The following MAX variants were observed in gnomAD, a reference collection of about 807,000 sequenced individuals.
MAX encodes MYC associated transcriptional regulator X.
In MAX, 3 loss-of-function variants were observed where a neutral mutation model predicts 22.3. The observed-to-expected ratio is 0.13, with a 90% CI of 0.06 to 0.35. The LOEUF is 0.35. MAX is among the 10% of genes least tolerant of loss of function. MAX has a pLI of 1.00. For synonymous variants in MAX, 72 were observed against 77.7 expected (o/e 0.93, Z 0.39); for missense variants, 119 against 209.4 (o/e 0.57, Z 2.66).
chr14:65,076,277 A>T lies in MAX; in HGVS notation c.*199T>A, dbSNP rs1456242869. 55 of 1,446,520 alleles carry T rather than the reference A, an allele frequency of 3.8e-5. No individual in the cohort carries two copies. The highest frequency in any genetic ancestry group is 5.0e-5 in the Non-Finnish European group (55 of 1,106,540). 89.6% of individuals were successfully genotyped at this position (1,446,520 alleles called of 1,614,324 possible). A position where few individuals can be genotyped will look rare whatever the true frequency, so the allele number is the denominator to read the frequency against. Reference sequence around the variant, plus strand: ...AATCCCTGAAGGGAATACATTAAAAAATATACAGTGGAAATGGGGAAGGAG... The same window carrying T: ...AATCCCTGAAGGGAATACATTAAAATATATACAGTGGAAATGGGGAAGGAG... On this transcript the variant is annotated 3_prime_UTR_variant, in exon 5 of 5. Coordinates refer to ENST00000358664, the MANE Select transcript of MAX (RefSeq NM_002382.5). The surrounding 1 kb of genome is among the most constrained non-coding windows in gnomAD (Gnocchi z 6.6).
At position 65,032,369 on chromosome 14, in the gene MAX, G is replaced by A; in HGVS notation, c.172-26085C>T. ...TTTCCTCTGATGTAGATTGGACCAT[G>A]TGGAGGTAGGGAGAATAGAATGTCA... On this transcript the variant is annotated intron_variant, in intron 3 of 3. Coordinates refer to the MAX transcript ENST00000341653. This position sits in a 1 kb window ranked among gnomAD's most constrained non-coding sequence, Gnocchi z 5.0. The A allele has an allele frequency of 2.4e-6, 1 of 409,550 alleles. No homozygotes were observed. The allele number at this position is 409,550 out of a possible 1,614,324, so 25.4% of individuals were successfully genotyped here.
intron 2 of MAX, among the ~76,000 whole-genome samples, chr14:65,097,297 GT>G (rs2063700453): frequency 6.6e-6 from 1 of 152,246 alleles, no homozygotes; most frequent in African/African-American, 2.4e-5. Flanking sequence ...AAGGAGGTCT[GT>G]TCAAAATTGA....
At chr14:65,094,854 T>G (rs538035450) in intron 2 of MAX, among the ~76,000 whole-genome samples, 2 of 152,314 alleles carry the variant, frequency 1.3e-5, no homozygotes, top group South Asian at 4.1e-4. Context: ...ATTACGGAAA[T>G]TATGCTCTGA....
At chr14:65,037,741 ATTATTTATTTAT>A (rs201126999) in intron 3 of MAX, among the ~76,000 whole-genome samples, 8,096 of 131,540 alleles carry the variant, frequency 0.062, 358 homozygotes, top group East Asian at 0.14. Flanking sequence ...TTATTTATTT[ATTATTTATTTAT>A]TTATTTATTT....
intron 3 of MAX, among the ~76,000 whole-genome samples, chr14:65,016,774 G>A (rs535844191): frequency 5.9e-5 from 9 of 152,308 alleles, no homozygotes; most frequent in South Asian, 2.1e-4. Context: ...CTTGTGGTAC[G>A]TAGGATGCTT....
chr14:65,025,040 T>G (rs1353154670), intron 3 of MAX, among the ~76,000 whole-genome samples: 1 of 152,238 alleles, frequency 6.6e-6, no homozygotes, highest in African/African-American at 2.4e-5. Context: ...TGCCAATTCC[T>G]TAAGGTGCAA....
At position 65,012,446 on chromosome 14, in the gene MAX, T is replaced by C; in HGVS notation, c.172-6162A>G. The C allele has an allele frequency of 6.2e-7, 1 of 1,607,750 alleles. No individual in the cohort carries two copies. The highest frequency in any genetic ancestry group is 8.5e-7 in the Non-Finnish European group (1 of 1,175,206). On this transcript the variant is annotated intron_variant, in intron 3 of 3. Coordinates refer to the MAX transcript ENST00000341653. The surrounding 1 kb of genome is among the most constrained non-coding windows in gnomAD (Gnocchi z 5.0). ...AAATTATCCACCAAATCCTCCTCCTTTTTCTATTTAAACGTAAAAGACTGT... is the reference window on the plus strand; with the variant it reads ...AAATTATCCACCAAATCCTCCTCCTCTTTCTATTTAAACGTAAAAGACTGT...
chr14:65,027,413 GCT>G lies in MAX; in HGVS notation c.172-21131_172-21130del, dbSNP rs751996562. 1 of 1,609,198 alleles carries G rather than the reference GCT, an allele frequency of 6.2e-7. No homozygotes were observed. Among genetic ancestry groups the G allele is most frequent in the Admixed American group, 1.7e-5 (1 of 59,512 alleles). On this transcript the variant is annotated intron_variant, in intron 3 of 3. Transcript: ENST00000341653. This position sits in a 1 kb window ranked among gnomAD's most constrained non-coding sequence, Gnocchi z 5.7. ...GGGAATTTGGTGTTTTGACATGAAT[GCT>G]CTCTGACTTTGTTTTTGCCCTTTGG...
At chr14:65,050,820 T>C (rs1337483740) in intron 3 of MAX, among the ~76,000 whole-genome samples, 1 of 152,236 alleles carries the variant, frequency 6.6e-6, no homozygotes, top group Non-Finnish European at 1.5e-5. Context: ...TTATTCCCTT[T>C]AACCGAATAA....
At position 65,064,157 on chromosome 14, in the gene MAX, TTG is replaced by T. The variant is rs375956688; in HGVS notation, c.171+29549_171+29550del. On this transcript the variant is annotated intron_variant, in intron 3 of 3. Transcript: ENST00000341653. ...ACACTGCTCTCCCTTCTTGGTATTA[TTG>T]AGCATTCTTCCATACCTTTCATGAC... 5.7e-3 allele frequency among the ~76,000 whole-genome samples: 871 copies of T among 152,332 alleles called. 2 individuals carry two copies. The highest frequency in any genetic ancestry group is 9.5e-3 in the Non-Finnish European group (643 of 68,028).
intron 3 of MAX, chr14:65,061,349 T>C (rs1379054755): frequency 1.7e-5 from 28 of 1,612,066 alleles, no homozygotes; most frequent in Non-Finnish European, 2.3e-5. Context: ...CTCACCCATC[T>C]CCCCAGTCAG....
Position 65,102,421 on chromosome 14 carries a change from A to G in MAX, c.-82T>C. ...GGGGAGGGGGAAGTCACCGACAACAACAAGCCGAGTCCCCCCCACACACAC... is the reference window on the plus strand; with the variant it reads ...GGGGAGGGGGAAGTCACCGACAACAGCAAGCCGAGTCCCCCCCACACACAC... On this transcript the variant is annotated 5_prime_UTR_variant, in exon 1 of 5. Coordinates refer to ENST00000358664, the MANE Select transcript of MAX (RefSeq NM_002382.5). 1 of 1,564,510 alleles carries G rather than the reference A, an allele frequency of 6.4e-7. No homozygotes were observed. The highest frequency in any genetic ancestry group is 8.6e-7 in the Non-Finnish European group (1 of 1,157,246).
At position 65,044,711 on chromosome 14, in the gene MAX, G is replaced by A. The variant is rs2296319; in HGVS notation, c.172-38427C>T. ...TTGCTACGGGGAGCGGGGAGGAAGT[G>A]GGCGCTGCTTCTGCGTTATCTGGAA... On this transcript the variant is annotated intron_variant, in intron 3 of 3. Transcript: ENST00000341653. The surrounding 1 kb of genome is among the most constrained non-coding windows in gnomAD (Gnocchi z 5.5). The A allele has an allele frequency of 8.9e-3, 4,323 of 483,126 alleles. 127 individuals carry two copies. The East Asian group carries it at 0.11, about 12-fold the overall frequency. 29.9% of individuals were successfully genotyped at this position (483,126 alleles called of 1,614,324 possible). A position where few individuals can be genotyped will look rare whatever the true frequency, so the allele number is the denominator to read the frequency against.
chr14:65,043,374 T>G (rs2062395194), intron 3 of MAX, among the ~76,000 whole-genome samples: 1 of 152,214 alleles, frequency 6.6e-6, no homozygotes, highest in African/African-American at 2.4e-5. Context: ...GTAAAAGATT[T>G]TCTTATATCA....
intron 3 of MAX, among the ~76,000 whole-genome samples, chr14:65,085,726 G>C (rs922308320): frequency 2.6e-5 from 4 of 152,186 alleles, no homozygotes; most frequent in African/African-American, 9.7e-5. Context: ...CTGAGGGAAG[G>C]GGGGAACTCA....
intron 3 of MAX, among the ~76,000 whole-genome samples, chr14:65,019,126 TTG>T (rs2061838303): frequency 5.3e-5 from 8 of 151,914 alleles, no homozygotes; most frequent in Admixed American, 4.6e-4. Flanking sequence ...TGAGCCAAGA[TTG>T]CACCACTGCA....
At chr14:65,043,905 C>T (rs987861039) in intron 3 of MAX, among the ~76,000 whole-genome samples, 1 of 150,822 alleles carries the variant, frequency 6.6e-6, no homozygotes, top group Non-Finnish European at 1.5e-5. Context: ...AATAAACTCC[C>T]CGGAGCAGGG....
rs192110688 is a variant in MAX at position 65,088,072 on chromosome 14, A to G, written c.171+5636T>C. Reference sequence around the variant, plus strand: ...TGACTTGCTCCTCCTTGCCTTCGCCATGATTGTGAGGCTTCCTTCCAGCCA... The same window carrying G: ...TGACTTGCTCCTCCTTGCCTTCGCCGTGATTGTGAGGCTTCCTTCCAGCCA... On this transcript the variant is annotated intron_variant, in intron 3 of 4. Transcript: ENST00000358664. The surrounding 1 kb of genome is among the most constrained non-coding windows in gnomAD (Gnocchi z 5.2). Among the ~76,000 whole-genome samples the G allele has an allele frequency of 1.3e-5, 2 of 152,284 alleles. No individual in the cohort carries two copies. The highest frequency in any genetic ancestry group is 2.9e-5 in the Non-Finnish European group (2 of 68,028).
chr14:65,022,057 G>T (rs1479730717), intron 3 of MAX: 4 of 455,904 alleles, frequency 8.8e-6, no homozygotes, highest in Admixed American at 4.7e-5. Flanking sequence ...AGCAGCAGAG[G>T]CCACCCGGAA....
Sources: gnomAD v4.1 joint callset for allele counts (sites outside exome capture counted in the v4.1 genomes callset) on GRCh38, gnomAD v4.1.1 for gene constraint, Gnocchi (gnomAD v3.1) non-coding constraint, MANE v1.5 for transcripts, NCBI Gene and HGNC (gene_info 2026-07-23, HGNC 2026-07-21) for gene names.